CHRM3: variants seen among roughly 807,000 people sequenced by gnomAD.
CHRM3 encodes the protein muscarinic acetylcholine receptor M3.
A neutral mutation model predicts 41.8 loss-of-function variants in CHRM3; 11 were observed. That is an observed-to-expected ratio of 0.26 (90% CI 0.17 to 0.44). The LOEUF (loss-of-function observed/expected upper bound fraction) is 0.44, where lower values mean the gene tolerates loss of function less well. CHRM3 is among the 20% of genes least tolerant of loss of function. The probability of loss-of-function intolerance (pLI) is 1.00; values close to 1 mark genes in which losing one functional copy is unlikely to be tolerated. For missense variants in CHRM3, 571 were observed against 745.4 expected (o/e 0.77, Z 2.72); for synonymous variants, 297 against 301.4 (o/e 0.99, Z 0.15).
rs1379926000 is a variant in CHRM3 at position 239,387,193 on chromosome 1, CG to C, written c.-553del. 3.3e-5 allele frequency: 5 copies of C among 152,240 alleles called. 1 individual carries two copies. The East Asian group carries it at 9.8e-4, about 30-fold the overall frequency. 9.4% of individuals were successfully genotyped at this position (152,240 alleles called of 1,614,324 possible). A position where few individuals can be genotyped will look rare whatever the true frequency, so the allele number is the denominator to read the frequency against. On this transcript the variant is annotated 5_prime_UTR_variant, in exon 1 of 7. Transcript: ENST00000676153. This position sits in a 1 kb window ranked among gnomAD's most constrained non-coding sequence, Gnocchi z 5.1. ...CCGCGCACCGGGCAGGCGCGGAGAC[CG>C]GCGTGGGACAGCCACCTGGAGCGCA...
intron 1 of CHRM3, among the ~76,000 whole-genome samples, chr1:239,389,507 ATAAAT>A (rs1368825416): frequency 7.2e-5 from 11 of 152,228 alleles, no homozygotes; most frequent in Admixed American, 6.5e-4. Flanking sequence ...AAAATTTGTT[ATAAAT>A]TAGAGTATGT....
intron 3 of CHRM3, among the ~76,000 whole-genome samples, chr1:239,551,431 G>T (rs1183305374): frequency 6.6e-6 from 1 of 151,310 alleles, no homozygotes; most frequent in Non-Finnish European, 1.5e-5. Flanking sequence ...CAAAGTGCTG[G>T]GATTACAGGA....
intron 1 of CHRM3, among the ~76,000 whole-genome samples, chr1:239,432,985 C>T (rs1317617479): frequency 6.6e-6 from 1 of 152,104 alleles, no homozygotes; most frequent in African/African-American, 2.4e-5. Flanking sequence ...GACTTTTTCC[C>T]CTACAACTTT....
chr1:239,483,148 T>C (rs949339328), intron 1 of CHRM3, among the ~76,000 whole-genome samples: 1 of 152,240 alleles, frequency 6.6e-6, no homozygotes, highest in African/African-American at 2.4e-5. Flanking sequence ...TTAACAGTCT[T>C]GATAAAGTGT....
Position 239,533,013 on chromosome 1 carries a change from G to T in CHRM3, c.-421-12628G>T, listed in dbSNP as rs1247381953. On this transcript the variant is annotated intron_variant, in intron 2 of 6. Transcript: ENST00000676153. Reference sequence around the variant, plus strand: ...TTTAATTCTCTATAGCGCTCTTCTGGAAATAATATATTATGAAGCACTTTC... The same window carrying T: ...TTTAATTCTCTATAGCGCTCTTCTGTAAATAATATATTATGAAGCACTTTC... Among the ~76,000 whole-genome samples the T allele has an allele frequency of 9.7e-4, 147 of 151,936 alleles. 1 individual carries two copies. Among genetic ancestry groups the T allele is most frequent in the Non-Finnish European group, 1.8e-4 (12 of 67,998 alleles).
At chr1:239,471,332 C>G (rs933782466) in intron 1 of CHRM3, among the ~76,000 whole-genome samples, 28 of 152,278 alleles carry the variant, frequency 1.8e-4, no homozygotes, top group Non-Finnish European at 3.7e-4. Flanking sequence ...ATCAAAACTA[C>G]AAGCTGCAAT....
intron 3 of CHRM3, among the ~76,000 whole-genome samples, chr1:239,548,242 A>G (rs924060275): frequency 3.3e-5 from 5 of 152,176 alleles, no homozygotes; most frequent in Non-Finnish European, 5.9e-5. Flanking sequence ...AACTTGGGGC[A>G]ATATTTAGAG....
rs141221990 is a variant in CHRM3, at chr1:239,510,828, G to A, written c.-422+18021G>A. Among the ~76,000 whole-genome samples, 509 of 152,106 alleles carry A rather than the reference G, an allele frequency of 3.3e-3. 3 individuals are homozygous for A. Among genetic ancestry groups the A allele is most frequent in the African/African-American group, 0.012 (479 of 41,494 alleles). The stretch of plus-strand genomic sequence containing the variant: ...TGGGATTACAGGCATCAACCACCGC[G>A]GCCGGCCCAGATTCTTATAATGTGA... On this transcript the variant is annotated intron_variant, in intron 2 of 6. Coordinates refer to ENST00000676153, the MANE Select transcript of CHRM3 (RefSeq NM_001375978.1).
chr1:239,674,709 CAAAAAAA>C (rs34078965), intron 4 of CHRM3, among the ~76,000 whole-genome samples: 1 of 92,768 alleles, frequency 1.1e-5, no homozygotes, highest in Admixed American at 1.3e-4. Flanking sequence ...GACTCCATCT[CAAAAAAA>C]AAAAAAAAAA....
chr1:239,418,066 T>C (rs1162181746), intron 1 of CHRM3, among the ~76,000 whole-genome samples: 1 of 152,140 alleles, frequency 6.6e-6, no homozygotes, highest in East Asian at 1.9e-4. Flanking sequence ...GTATATACAT[T>C]TAGAAGCTGA....
At chr1:239,556,672 T>C (rs1461115774) in intron 3 of CHRM3, among the ~76,000 whole-genome samples, 1 of 152,164 alleles carries the variant, frequency 6.6e-6, no homozygotes, top group African/African-American at 2.4e-5. Flanking sequence ...ATTATTGTAA[T>C]GACAGGGGCC....
rs944995539 is a variant in CHRM3 at position 239,908,372 on chromosome 1, G to T, written c.921G>T (p.Lys307Asn). ...QQSMKRSNRR[K>N]YGRCHFWFTT... is the part of the protein sequence containing the mutation. ...GCATGAAACGCTCCAACAGGAGGAA[G>T]TATGGCCGCTGCCACTTCTGGTTCA... Residue 307 changes from lysine to asparagine, a missense_variant, in exon 7 of 7, where the codon AAG becomes AAT. Lys to Asn is a moderately conservative substitution (Grantham distance 94, BLOSUM62 0). Coordinates refer to ENST00000676153, the MANE Select transcript of CHRM3 (RefSeq NM_001375978.1). The surrounding 1 kb of genome is among the most constrained non-coding windows in gnomAD (Gnocchi z 7.2). 7.4e-6 allele frequency: 12 copies of T among 1,614,060 alleles called. No individual in the cohort carries two copies. The highest frequency in any genetic ancestry group is 5.0e-5 in the Admixed American group (3 of 60,026).
chr1:239,842,968 A>G (rs1256344144), intron 6 of CHRM3, among the ~76,000 whole-genome samples: 1 of 152,122 alleles, frequency 6.6e-6, no homozygotes, highest in Non-Finnish European at 1.5e-5. Context: ...ATCATAGCCT[A>G]GAGCTTTGCT....
intron 1 of CHRM3, among the ~76,000 whole-genome samples, chr1:239,428,026 C>G (rs1030381248): frequency 6.6e-6 from 1 of 152,094 alleles, no homozygotes; most frequent in African/African-American, 2.4e-5. Context: ...TTGCATCTAA[C>G]AGGAAGATAG....
intron 5 of CHRM3, among the ~76,000 whole-genome samples, chr1:239,711,024 G>T (rs1661725743): frequency 1.3e-5 from 2 of 152,044 alleles, no homozygotes; most frequent in South Asian, 4.1e-4. Context: ...CAGCAAAAAT[G>T]CCACCTCCCC....
chr1:239,810,246 CT>C (rs1017808044), intron 5 of CHRM3, among the ~76,000 whole-genome samples: 2 of 152,156 alleles, frequency 1.3e-5, no homozygotes, highest in African/African-American at 4.8e-5. Flanking sequence ...GGGATCCTTG[CT>C]GCTTCGGATT....
chr1:239,423,897 T>C (rs184251950), intron 1 of CHRM3, among the ~76,000 whole-genome samples: 1 of 151,604 alleles, frequency 6.6e-6, no homozygotes, highest in African/African-American at 2.4e-5. Flanking sequence ...CTACTTGAAA[T>C]ACAAAAAATT....
chr1:239,799,493 T>A (rs1670045665), intron 5 of CHRM3, among the ~76,000 whole-genome samples: 1 of 152,066 alleles, frequency 6.6e-6, no homozygotes, highest in Admixed American at 6.6e-5. Flanking sequence ...ATGGAATCCC[T>A]CCACCTACCC....
At chr1:239,570,944 G>A (rs1351063351) in intron 3 of CHRM3, among the ~76,000 whole-genome samples, 1 of 152,136 alleles carries the variant, frequency 6.6e-6, no homozygotes, top group African/African-American at 2.4e-5. Flanking sequence ...GATACTAGAA[G>A]ATAGCAATAA....
Sources: allele counts gnomAD v4.1 joint callset (sites outside exome capture counted in the v4.1 genomes callset), GRCh38; gene constraint gnomAD v4.1.1; non-coding constraint Gnocchi (gnomAD v3.1); transcripts MANE v1.5; gene names NCBI Gene and HGNC (gene_info 2026-07-23, HGNC 2026-07-21).